CTDSPL: variants seen among roughly 807,000 people sequenced by gnomAD.
The protein encoded by CTDSPL is CTD small phosphatase like.
Under a neutral mutation model 30.5 loss-of-function variants are expected in CTDSPL, and 8 were observed. That is an observed-to-expected ratio of 0.26 (90% CI 0.15 to 0.47). The LOEUF (loss-of-function observed/expected upper bound fraction) is 0.47. Among genes scored for constraint, CTDSPL ranks in the 20% least tolerant of loss-of-function variants. The probability of loss-of-function intolerance (pLI) is 0.99; values close to 1 mark genes in which losing one functional copy is unlikely to be tolerated. For missense variants in CTDSPL, 248 were observed against 366.1 expected (o/e 0.68, Z 2.63); for synonymous variants, 110 against 137.9 (o/e 0.80, Z 1.42).
At position 37,975,835 on chromosome 3, in the gene CTDSPL, A is replaced by G; in HGVS notation, c.646A>G (p.Ser216Gly). 1.2e-6 allele frequency: 2 copies of G among 1,614,176 alleles called. No individual in the cohort carries two copies. ...CCTGAGTCGCCTTGGGCGGGAGCTG[A>G]GCAAAGTGATCATTGTTGACAATTC... Reference protein sequence around the residue: ...KDLSRLGRELSKVIIVDNSPA... With the variant: ...KDLSRLGRELGKVIIVDNSPA... Residue 216 changes from serine to glycine, a missense_variant, in exon 7 of 8, where the codon AGC becomes GGC. Around this residue, in one of 4 missense-constraint regions of CTDSPL, gnomAD observed 84 missense variants for 139.4 expected, o/e 0.60. Coordinates refer to ENST00000273179, the MANE Select transcript of CTDSPL (RefSeq NM_001008392.2). This position sits in a 1 kb window ranked among gnomAD's most constrained non-coding sequence, Gnocchi z 4.9.
At position 37,914,214 on chromosome 3, in the gene CTDSPL, T is replaced by G. The variant is rs530795227; in HGVS notation, c.80-32843T>G. Among the ~76,000 whole-genome samples, 77 of 152,336 alleles carry G rather than the reference T, an allele frequency of 5.1e-4. 1 individual carries two copies. The highest frequency in any genetic ancestry group is 1.7e-3 in the African/African-American group (72 of 41,578). On this transcript the variant is annotated intron_variant, in intron 1 of 7. Coordinates refer to ENST00000273179, the MANE Select transcript of CTDSPL (RefSeq NM_001008392.2). The stretch of plus-strand genomic sequence containing the variant: ...TTTTATTGTAAATTGCAACTGAAAA[T>G]TTTTCCTTTTCCAAATGTTTATTAT...
At chr3:37,905,022 C>A (rs1299403851) in intron 1 of CTDSPL, among the ~76,000 whole-genome samples, 1 of 152,218 alleles carries the variant, frequency 6.6e-6, no homozygotes, top group African/African-American at 2.4e-5. Flanking sequence ...TGACCCCCCG[C>A]TGCCTCTCCG....
intron 1 of CTDSPL, among the ~76,000 whole-genome samples, chr3:37,935,642 G>T (rs1464840188): frequency 6.6e-6 from 1 of 152,168 alleles, no homozygotes; most frequent in Non-Finnish European, 1.5e-5. Context: ...GTGAGAGGTT[G>T]GTGGCCTGGG....
At chr3:37,942,445 C>A (rs1698989286) in intron 1 of CTDSPL, among the ~76,000 whole-genome samples, 1 of 150,422 alleles carries the variant, frequency 6.6e-6, no homozygotes, top group Non-Finnish European at 1.5e-5. Context: ...GAGTTTGAGA[C>A]CTGCCTGAGT....
intron 1 of CTDSPL, among the ~76,000 whole-genome samples, chr3:37,923,049 G>GTAGAGCTTCCT (rs1698736171): frequency 6.6e-6 from 1 of 152,180 alleles, no homozygotes; most frequent in African/African-American, 2.4e-5. Flanking sequence ...GCTACCGAGG[G>GTAGAGCTTCCT]GCTGTAAGCA....
chr3:37,881,918 T>C (rs1330524356), intron 1 of CTDSPL, among the ~76,000 whole-genome samples: 1 of 152,248 alleles, frequency 6.6e-6, no homozygotes, highest in Admixed American at 6.5e-5. Context: ...AACTGTTTTC[T>C]TGAAATAAAT....
At chr3:37,914,873 C>CTTTGTT (rs1698626687) in intron 1 of CTDSPL, among the ~76,000 whole-genome samples, 1 of 51,284 alleles carries the variant, frequency 1.9e-5, no homozygotes, top group Non-Finnish European at 3.6e-5. Context: ...TATATATGTT[C>CTTTGTT]TTTTTTTTTT....
chr3:37,944,352 C>T (rs1446137041), intron 1 of CTDSPL, among the ~76,000 whole-genome samples: 2 of 150,310 alleles, frequency 1.3e-5, no homozygotes, highest in African/African-American at 4.8e-5. Flanking sequence ...TTAACTTTTT[C>T]ACCTAATGTT....
chr3:37,903,352 C>T (rs1286238091), intron 1 of CTDSPL, among the ~76,000 whole-genome samples: 3 of 152,154 alleles, frequency 2.0e-5, no homozygotes, highest in African/African-American at 7.2e-5. Context: ...AACAGCGATC[C>T]ATTTGAGAGG....
intron 1 of CTDSPL, among the ~76,000 whole-genome samples, chr3:37,892,567 T>TC (rs1244717732): frequency 1.5e-5 from 2 of 134,412 alleles, no homozygotes; most frequent in African/African-American, 3.0e-5. Flanking sequence ...TATGACAAGT[T>TC]TTTTTTTTTA....
intron 5 of CTDSPL, chr3:37,969,296 G>A (rs1172038625): frequency 4.3e-6 from 2 of 461,996 alleles, no homozygotes; most frequent in East Asian, 6.9e-5. Flanking sequence ...CTCCATCCTG[G>A]CTGTGCTGTG....
chr3:37,893,298 G>A (rs1324886086), intron 1 of CTDSPL, among the ~76,000 whole-genome samples: 1 of 152,176 alleles, frequency 6.6e-6, no homozygotes, highest in Non-Finnish European at 1.5e-5. Context: ...AAATCTTTGT[G>A]TTACCAACAG....
chr3:37,909,060 C>T (rs980136013), intron 1 of CTDSPL, among the ~76,000 whole-genome samples: 19 of 152,024 alleles, frequency 1.2e-4, no homozygotes, highest in Non-Finnish European at 1.6e-4. Context: ...TTAAATAAAC[C>T]GATACCAATT....
chr3:37,909,732 C>G (rs1487970851), intron 1 of CTDSPL, among the ~76,000 whole-genome samples: 1 of 152,200 alleles, frequency 6.6e-6, no homozygotes, highest in African/African-American at 2.4e-5. Flanking sequence ...ACTCTGTGAT[C>G]ACGAGGCTGT....
chr3:37,882,540 C>T (rs563665948), intron 1 of CTDSPL, among the ~76,000 whole-genome samples: 3 of 152,066 alleles, frequency 2.0e-5, no homozygotes, highest in South Asian at 2.1e-4. Context: ...TCGCTTGAAC[C>T]CAGGAGGCAG....
In CTDSPL at chr3:37,862,919, C is replaced by T. The variant is rs148750275; in HGVS notation, c.79+641C>T. 2.0e-5 allele frequency among the ~76,000 whole-genome samples: 3 copies of T among 152,202 alleles called. No homozygotes were observed. In the East Asian group the frequency reaches 5.8e-4, roughly 29 times the overall value. Reference sequence around the variant, plus strand: ...GGATTGAATGTGTTGTATACATCTACTGGGAGGGCGTGTGTGTGTGTAAAT... The same window carrying T: ...GGATTGAATGTGTTGTATACATCTATTGGGAGGGCGTGTGTGTGTGTAAAT... On this transcript the variant is annotated intron_variant, in intron 1 of 7. Transcript: ENST00000273179. This position sits in a 1 kb window ranked among gnomAD's most constrained non-coding sequence, Gnocchi z 4.3.
intron 2 of CTDSPL, among the ~76,000 whole-genome samples, chr3:37,949,052 C>T (rs1303209623): frequency 6.6e-6 from 1 of 151,128 alleles, no homozygotes; most frequent in African/African-American, 2.4e-5. Flanking sequence ...GATCTCCTGA[C>T]CTCATGATCC....
intron 2 of CTDSPL, among the ~76,000 whole-genome samples, chr3:37,951,037 G>C (rs1248292291): frequency 6.6e-6 from 1 of 152,124 alleles, no homozygotes; most frequent in Non-Finnish European, 1.5e-5. Flanking sequence ...AAAAATCTGG[G>C]TGAGATTGAT....
At chr3:37,931,226 C>T (rs1022070283) in intron 1 of CTDSPL, among the ~76,000 whole-genome samples, 1 of 151,420 alleles carries the variant, frequency 6.6e-6, no homozygotes, top group Non-Finnish European at 1.5e-5. Flanking sequence ...CAGCTTATTG[C>T]AGCCTTGAAC....
Sources: gnomAD v4.1 joint callset for allele counts (sites outside exome capture counted in the v4.1 genomes callset) on GRCh38, gnomAD v4.1.1 for gene constraint, gnomAD v4.1.1 regional missense constraint, Gnocchi (gnomAD v3.1) non-coding constraint, MANE v1.5 for transcripts, NCBI Gene and HGNC (gene_info 2026-07-23, HGNC 2026-07-21) for gene names.